Variants in RIN2 observed in about 807,000 individuals in gnomAD.
The protein encoded by RIN2 is Ras and Rab interactor 2, also known as RAB5 interacting protein 2.
Under a neutral mutation model 78.0 loss-of-function variants are expected in RIN2, and 36 were observed. The observed-to-expected ratio is 0.46, with a 90% CI of 0.35 to 0.61. The LOEUF is 0.61. Among genes scored for constraint, RIN2 ranks in the 20% least tolerant of loss-of-function variants. RIN2 has a pLI of 0.00. For missense variants in RIN2, 1,087 were observed against 1,159.7 expected (o/e 0.94, Z 0.91); for synonymous variants, 466 against 466.8 (o/e 1.00, Z 0.02).
intron 2 of RIN2, among the ~76,000 whole-genome samples, chr20:19,864,515 T>C (rs778931031): frequency 5.9e-5 from 9 of 152,168 alleles, no homozygotes; most frequent in Middle Eastern, 3.2e-3. Context: ...CAGCATGGAA[T>C]TTGACAAGAA....
At chr20:19,872,323 G>A (rs1003633413) in intron 2 of RIN2, 12 of 152,154 alleles carry the variant, frequency 7.9e-5, no homozygotes, top group African/African-American at 2.7e-4. Flanking sequence ...TGTGAGAATG[G>A]ACTAATACCA....
chr20:19,886,533 T>G (rs1396553366), intron 2 of RIN2: 15 of 589,314 alleles, frequency 2.5e-5, no homozygotes, highest in Admixed American at 1.2e-4. Flanking sequence ...TTCAGTGGTG[T>G]TGTTGAAAGG....
At chr20:19,843,042 A>G (rs2036631574) in intron 2 of RIN2, among the ~76,000 whole-genome samples, 1 of 152,176 alleles carries the variant, frequency 6.6e-6, no homozygotes, top group Non-Finnish European at 1.5e-5. Flanking sequence ...CAGCAAGAGA[A>G]TAGAATTAGA....
chr20:19,808,171 G>A (rs1444050227), intron 2 of RIN2, among the ~76,000 whole-genome samples: 1 of 152,242 alleles, frequency 6.6e-6, no homozygotes, highest in African/African-American at 2.4e-5. Context: ...AACTATGAAT[G>A]AAATCATATG....
chr20:19,849,474 G>T (rs1459397463), intron 2 of RIN2, among the ~76,000 whole-genome samples: 1 of 152,192 alleles, frequency 6.6e-6, no homozygotes, highest in African/African-American at 2.4e-5. Flanking sequence ...CCCCGACTCT[G>T]CTCCTGCTCA....
intron 3 of RIN2, among the ~76,000 whole-genome samples, chr20:19,892,171 T>C (rs1444948926): frequency 6.6e-6 from 1 of 152,216 alleles, no homozygotes; most frequent in Non-Finnish European, 1.5e-5. Context: ...AACTTGTCTG[T>C]AATTTTGTGT....
intron 12 of RIN2, among the ~76,000 whole-genome samples, chr20:19,998,640 T>A (rs1011509787): frequency 1.3e-5 from 2 of 152,062 alleles, no homozygotes; most frequent in African/African-American, 4.8e-5. Context: ...GGCAAGCCCA[T>A]CTTTGAAAGC....
intron 2 of RIN2, among the ~76,000 whole-genome samples, chr20:19,801,608 A>G (rs1026921723): frequency 3.9e-5 from 6 of 152,222 alleles, no homozygotes; most frequent in Non-Finnish European, 8.8e-5. Context: ...GGCGTGAGCC[A>G]CCGCGCCCGG....
chr20:19,776,826 C>A (rs1396745979), intron 1 of RIN2, among the ~76,000 whole-genome samples: 1 of 152,036 alleles, frequency 6.6e-6, no homozygotes, highest in Non-Finnish European at 1.5e-5. Context: ...CCAGACGAAA[C>A]CAGTGTACAT....
intron 9 of RIN2, among the ~76,000 whole-genome samples, chr20:19,989,272 CTTTTT>C (rs11455546): frequency 9.1e-6 from 1 of 109,364 alleles, no homozygotes; most frequent in Non-Finnish European, 1.9e-5. Flanking sequence ...AGAAAACATT[CTTTTT>C]TTTTTTTTTT....
intron 1 of RIN2, among the ~76,000 whole-genome samples, chr20:19,787,112 A>G (rs553421260): frequency 6.6e-6 from 1 of 152,160 alleles, no homozygotes; most frequent in African/African-American, 2.4e-5. Context: ...CATATTTAAC[A>G]TTCTAGGCCA....
intron 2 of RIN2, among the ~76,000 whole-genome samples, chr20:19,856,885 G>A (rs1036032077): frequency 6.6e-6 from 1 of 152,170 alleles, no homozygotes; most frequent in African/African-American, 2.4e-5. Context: ...AACAAGATGA[G>A]AGGCCACTTT....
At chr20:19,891,860 A>G (rs2038483699) in intron 3 of RIN2, among the ~76,000 whole-genome samples, 1 of 152,240 alleles carries the variant, frequency 6.6e-6, no homozygotes, top group African/African-American at 2.4e-5. Context: ...AATGGAGTAT[A>G]AAGTTGCCTT....
chr20:19,921,042 C>T (rs1343091833), intron 3 of RIN2, among the ~76,000 whole-genome samples: 2 of 152,090 alleles, frequency 1.3e-5, no homozygotes. Flanking sequence ...TGGGCTAAGC[C>T]TCTGGGAGTG....
At chr20:19,825,206 C>T (rs1253473704) in intron 2 of RIN2, among the ~76,000 whole-genome samples, 1 of 152,186 alleles carries the variant, frequency 6.6e-6, no homozygotes, top group Admixed American at 6.5e-5. Flanking sequence ...CCTTGTGCAT[C>T]CCAATATGCC....
chr20:19,934,945 A>G (rs1051689110), intron 3 of RIN2, among the ~76,000 whole-genome samples, 154 bp from the exon 4 acceptor site: 3 of 150,694 alleles, frequency 2.0e-5, no homozygotes, highest in Non-Finnish European at 4.4e-5. Context: ...CTCTGGCTAG[A>G]GGAAATTCAC....
chr20:19,917,764 G>GTTTTAAAGGCGGAATCGCC (rs915022200), intron 3 of RIN2, among the ~76,000 whole-genome samples: 2 of 150,554 alleles, frequency 1.3e-5, no homozygotes, highest in African/African-American at 2.5e-5. Context: ...CAAGAAATAT[G>GTTTTAAAGGCGGAATCGCC]TTTTAAAGGC....
chr20:19,923,403 G>A (rs911794990), intron 3 of RIN2, among the ~76,000 whole-genome samples: 3 of 135,876 alleles, frequency 2.2e-5, no homozygotes, highest in African/African-American at 9.1e-5. Flanking sequence ...GAGATGGAGC[G>A]AGACTGTGTC....
chr20:19,831,768 A>C (rs1280056157), intron 2 of RIN2, among the ~76,000 whole-genome samples: 1 of 152,216 alleles, frequency 6.6e-6, no homozygotes, highest in Non-Finnish European at 1.5e-5. Context: ...TAAGAGCTAT[A>C]TTCTGCAAGT....
Sources: allele counts gnomAD v4.1 joint callset (sites outside exome capture counted in the v4.1 genomes callset), GRCh38; gene constraint gnomAD v4.1.1; transcripts MANE v1.5; gene names NCBI Gene and HGNC (gene_info 2026-07-23, HGNC 2026-07-21).